The following MIS18A variants were observed in gnomAD, a reference collection of about 807,000 sequenced individuals.
MIS18A encodes MIS18 kinetochore protein A.
MIS18A carries 14 observed loss-of-function variants against 25.0 expected under a neutral mutation model. The observed-to-expected ratio is 0.56, with a 90% CI of 0.37 to 0.88. MIS18A has a LOEUF of 0.88. Among genes scored for constraint, MIS18A ranks in the 40% least tolerant of loss-of-function variants. The pLI is 0.00. For synonymous variants in MIS18A, 134 were observed against 118.6 expected (o/e 1.13, Z -0.84); for missense variants, 292 against 290.8 (o/e 1.00, Z -0.03).
chr21:32,277,419 A>G (rs2031834968), intron 1 of MIS18A, among the ~76,000 whole-genome samples: 1 of 152,166 alleles, frequency 6.6e-6, no homozygotes, highest in South Asian at 2.1e-4. Flanking sequence ...CATTCAAACA[A>G]AGAGCTTTTC....
the MIS18A span, among the ~76,000 whole-genome samples, chr21:32,162,906 G>A: frequency 6.6e-6 from 1 of 152,260 alleles, no homozygotes; most frequent in East Asian, 1.9e-4. Flanking sequence ...CATCTTGTTG[G>A]ATCCATGGAC....
At chr21:32,207,091 G>T in the MIS18A span, among the ~76,000 whole-genome samples, 2 of 152,168 alleles carry the variant, frequency 1.3e-5, no homozygotes, top group African/African-American at 4.8e-5. Flanking sequence ...CGCCCCAGCT[G>T]TAATGTAATG....
chr21:32,198,860 A>G, the MIS18A span, among the ~76,000 whole-genome samples: 1 of 151,386 alleles, frequency 6.6e-6, no homozygotes, highest in Non-Finnish European at 1.5e-5. Flanking sequence ...TAACCAGTGG[A>G]CCCCATGGTA....
the MIS18A span, among the ~76,000 whole-genome samples, chr21:32,222,155 A>G: frequency 1.3e-3 from 204 of 152,204 alleles, no homozygotes; most frequent in Non-Finnish European, 4.4e-4. Context: ...AGTCTTTGAT[A>G]AAACAGACTT....
chr21:32,216,952 A>C, the MIS18A span, among the ~76,000 whole-genome samples: 1 of 152,238 alleles, frequency 6.6e-6, no homozygotes, highest in African/African-American at 2.4e-5. Flanking sequence ...GTTCAGAAAA[A>C]TCACTGAACA....
the MIS18A span, among the ~76,000 whole-genome samples, chr21:32,230,884 T>C: frequency 6.6e-6 from 1 of 152,196 alleles, no homozygotes; most frequent in Non-Finnish European, 1.5e-5. Flanking sequence ...ACATATATGA[T>C]TGCATCAAAA....
chr21:32,199,967 G>A, the MIS18A span, among the ~76,000 whole-genome samples: 1 of 152,204 alleles, frequency 6.6e-6, no homozygotes, highest in African/African-American at 2.4e-5. Flanking sequence ...AATTGGAATC[G>A]ATTGGATTGG....
the MIS18A span, among the ~76,000 whole-genome samples, chr21:32,245,168 G>A: frequency 1.3e-5 from 2 of 152,248 alleles, no homozygotes; most frequent in South Asian, 2.1e-4. Flanking sequence ...TTAATGTCTG[G>A]AAGACCACCT....
chr21:32,188,152 A>G, the MIS18A span, among the ~76,000 whole-genome samples: 1 of 152,216 alleles, frequency 6.6e-6, no homozygotes, highest in Non-Finnish European at 1.5e-5. Flanking sequence ...TCCAGAGCTG[A>G]GAAAAGTAAA....
the MIS18A span, among the ~76,000 whole-genome samples, chr21:32,207,466 G>T: frequency 6.6e-6 from 1 of 152,212 alleles, no homozygotes; most frequent in Non-Finnish European, 1.5e-5. Flanking sequence ...ATAAGCATCA[G>T]ATTTTAAAGG....
chr21:32,241,036 T>C, the MIS18A span, among the ~76,000 whole-genome samples: 3 of 152,224 alleles, frequency 2.0e-5, no homozygotes, highest in Non-Finnish European at 4.4e-5. Flanking sequence ...GCTGTTAAAA[T>C]GTGGCCCTAT....
At chr21:32,231,162 G>C in the MIS18A span, among the ~76,000 whole-genome samples, 1 of 151,470 alleles carries the variant, frequency 6.6e-6, no homozygotes, top group Non-Finnish European at 1.5e-5. Context: ...CTTGAACCTG[G>C]GAAGTAGAGG....
the MIS18A span, among the ~76,000 whole-genome samples, chr21:32,205,954 G>A: frequency 0.093 from 14,161 of 152,152 alleles, 776 homozygotes; most frequent in South Asian, 0.17. Flanking sequence ...TCGTTCTTGG[G>A]GTTTTTCTCA....
At chr21:32,233,061 G>T in the MIS18A span, among the ~76,000 whole-genome samples, 1 of 152,134 alleles carries the variant, frequency 6.6e-6, no homozygotes, top group Non-Finnish European at 1.5e-5. Context: ...TCTATATTCT[G>T]GGCAAACAAA....
the MIS18A span, among the ~76,000 whole-genome samples, chr21:32,183,434 C>G: frequency 1.3e-5 from 2 of 152,192 alleles, no homozygotes; most frequent in South Asian, 2.1e-4. Context: ...GATTTTGCAC[C>G]TGTCTTTTCT....
chr21:32,274,297 G>T (rs9982009), intron 2 of MIS18A, among the ~76,000 whole-genome samples: 1 of 149,120 alleles, frequency 6.7e-6, no homozygotes, highest in Non-Finnish European at 1.5e-5. Flanking sequence ...CTCCACCTCC[G>T]TAGTTCTAGT....
At chr21:32,209,490 G>T in the MIS18A span, among the ~76,000 whole-genome samples, 6 of 152,162 alleles carry the variant, frequency 3.9e-5, no homozygotes, top group Admixed American at 6.5e-5. Context: ...GAAGCATTAG[G>T]TTGGTGCAAA....
the MIS18A span, among the ~76,000 whole-genome samples, chr21:32,223,561 C>T: frequency 3.3e-5 from 5 of 152,170 alleles, no homozygotes; most frequent in African/African-American, 1.2e-4. Flanking sequence ...CACATACACC[C>T]TCCCAAGACT....
the MIS18A span, among the ~76,000 whole-genome samples, chr21:32,172,043 T>C: frequency 6.6e-6 from 1 of 152,068 alleles, no homozygotes; most frequent in Admixed American, 6.5e-5. Context: ...GAAAAGGCAC[T>C]CAATTTCACT....
Sources: gnomAD v4.1 joint callset for allele counts (sites outside exome capture counted in the v4.1 genomes callset) on GRCh38, gnomAD v4.1.1 for gene constraint, MANE v1.5 for transcripts, NCBI Gene and HGNC (gene_info 2026-07-23, HGNC 2026-07-21) for gene names.